CA2: variants seen among roughly 807,000 people sequenced by gnomAD.
The protein encoded by CA2 is carbonate dehydratase II.
Under a neutral mutation model 27.8 loss-of-function variants are expected in CA2, and 23 were observed. That is an observed-to-expected ratio of 0.83 (90% CI 0.59 to 1.17). The LOEUF (loss-of-function observed/expected upper bound fraction) is 1.17. CA2 is among the 50% of genes most tolerant of loss of function. The pLI is 0.00. For missense variants in CA2, 300 were observed against 314.7 expected (o/e 0.95, Z 0.35); for synonymous variants, 99 against 114.9 (o/e 0.86, Z 0.88).
chr8:85,474,575 G>C, intron 4 of CA2, 159 bp downstream of exon 4: 1 of 686,354 alleles, frequency 1.5e-6, no homozygotes, highest in Admixed American at 2.2e-5. Context: ...TCTGCTAGTT[G>C]CAGTGGAGAT....
chr8:85,477,218 T>G lies in CA2; in HGVS notation c.606T>G (p.Leu202=). 1 of 1,614,066 alleles carries G rather than the reference T, an allele frequency of 6.2e-7. No homozygotes were observed. The highest frequency in any genetic ancestry group is 8.5e-7 in the Non-Finnish European group (1 of 1,179,982). Residue 202 remains leucine (L), a synonymous_variant, in exon 6 of 7, where the codon CTT becomes CTG. Coordinates refer to ENST00000285379, the MANE Select transcript of CA2 (RefSeq NM_000067.3). ...TYPGSLTTPP[L]LECVTWIVLK... ...CAGGCTCACTGACCACCCCTCCTCT[T>G]CTGGAATGTGTGACCTGGATTGTGC...
At chr8:85,469,747 CTCTTATCCAAG>C (rs1239361489) in intron 2 of CA2, among the ~76,000 whole-genome samples, 1 of 152,212 alleles carries the variant, frequency 6.6e-6, no homozygotes, top group East Asian at 1.9e-4. Flanking sequence ...ATTGGGCCAA[CTCTTATCCAAG>C]TCTTACATCA....
intron 3 of CA2, chr8:85,474,037 G>A: frequency 8.2e-6 from 5 of 606,450 alleles, no homozygotes. Flanking sequence ...AAAGTAAACG[G>A]ACTCAAACTG....
rs1316641655 is a variant in CA2 at position 85,477,237 on chromosome 8, A to T, written c.625A>T (p.Ile209Phe). ...TCCTCTTCTGGAATGTGTGACCTGGATTGTGCTCAAGGAACCCATCAGCGT... is the reference window on the plus strand; with the variant it reads ...TCCTCTTCTGGAATGTGTGACCTGGTTTGTGCTCAAGGAACCCATCAGCGT... ...TPPLLECVTWIVLKEPISVSS... is the reference protein window; with the variant it reads ...TPPLLECVTWFVLKEPISVSS... The change falls in exon 6 of 7, where the codon ATT (isoleucine) becomes TTT (phenylalanine). Residue 209 changes from isoleucine to phenylalanine, a missense_variant. Physicochemically the swap from Ile to Phe is conservative, Grantham distance 21. Around this residue, in one of 3 missense-constraint regions of CA2, gnomAD observed 173 missense variants for 161.0 expected, o/e 1.07. Coordinates refer to ENST00000285379, the MANE Select transcript of CA2 (RefSeq NM_000067.3). The T allele has an allele frequency of 1.2e-6, 2 of 1,614,054 alleles. No individual in the cohort carries two copies.
At chr8:85,475,886 C>T (rs1202394764) in intron 5 of CA2, 26 bp downstream of exon 5, 1 of 1,589,216 alleles carries the variant, frequency 6.3e-7, no homozygotes, top group Non-Finnish European at 8.6e-7. Flanking sequence ...CTGCCACCTC[C>T]TTAGGGTACC....
rs1476475494 is a variant in CA2 at position 85,476,594 on chromosome 8, A to G, written c.508-526A>G. Among the ~76,000 whole-genome samples, 5 of 152,182 alleles carry G rather than the reference A, an allele frequency of 3.3e-5. No individual in the cohort carries two copies. The East Asian group carries it at 9.6e-4, about 29-fold the overall frequency. ...AAACTAATTATCTTTAGTTTCCTTTAACTATTCTCATATGATATAGTTTTC... is the reference window on the plus strand; with the variant it reads ...AAACTAATTATCTTTAGTTTCCTTTGACTATTCTCATATGATATAGTTTTC... On this transcript the variant is annotated intron_variant, in intron 5 of 6. Transcript: ENST00000285379.
chr8:85,474,029 AG>A, intron 3 of CA2: 1 of 608,632 alleles, frequency 1.6e-6, no homozygotes, highest in East Asian at 2.8e-5. Flanking sequence ...ATTTGCAAAA[AG>A]TAAACGGACT....
At chr8:85,468,744 A>AC (rs1431337731) in intron 2 of CA2, among the ~76,000 whole-genome samples, 1 of 151,990 alleles carries the variant, frequency 6.6e-6, no homozygotes, top group Non-Finnish European at 1.5e-5. Flanking sequence ...TGGTGACAGA[A>AC]CGAGACTCCA....
At chr8:85,469,260 GTCT>G (rs1232765767) in intron 2 of CA2, among the ~76,000 whole-genome samples, 1 of 152,040 alleles carries the variant, frequency 6.6e-6, no homozygotes, top group African/African-American at 2.4e-5. Flanking sequence ...TCATTTACCT[GTCT>G]TCTTTGCCTC....
At chr8:85,465,036 C>T (rs932996177) in intron 1 of CA2, 11 of 530,692 alleles carry the variant, frequency 2.1e-5, no homozygotes, top group Admixed American at 3.1e-5. Flanking sequence ...AAGAGCTTTA[C>T]ATATATCGAT....
chr8:85,473,928 AC>A, intron 3 of CA2, 117 bp downstream of exon 3: 1 of 743,004 alleles, frequency 1.3e-6, no homozygotes, highest in Admixed American at 2.0e-5. Context: ...CACTTCTTTT[AC>A]AAAGGACCTT....
chr8:85,464,103 G>C lies in CA2; in HGVS notation c.22G>C (p.Gly8Arg), dbSNP rs1440181484. 1 of 1,547,442 alleles carries C rather than the reference G, an allele frequency of 6.5e-7. No homozygotes were observed. The highest frequency in any genetic ancestry group is 8.7e-7 in the Non-Finnish European group (1 of 1,148,914). ...GACCATGTCCCATCACTGGGGGTAC[G>C]GCAAACACAACGGTGAGTGCCGGCG... MSHHWGY[G>R]KHNGPEHWHK... The change falls in exon 1 of 7, where the codon GGC (glycine) becomes CGC (arginine). Residue 8 changes from glycine (G) to arginine (R), a missense_variant. Coordinates refer to ENST00000285379, the MANE Select transcript of CA2 (RefSeq NM_000067.3).
At chr8:85,475,916 G>A in intron 5 of CA2, 56 bp downstream of exon 5, 3 of 1,424,970 alleles carry the variant, frequency 2.1e-6, no homozygotes. Flanking sequence ...TACTCCATTG[G>A]TTTTAGAAAT....
Position 85,477,100 on chromosome 8 carries a change from G to A in CA2, c.508-20G>A, listed in dbSNP as rs375816876. ...TCTGTCAATGTGATAGTTTGAAGCT[G>A]CGTATTTGCCTTGTTCTAGGGCAAG... On this transcript the variant is annotated intron_variant, in intron 5 of 6. Coordinates refer to ENST00000285379, the MANE Select transcript of CA2 (RefSeq NM_000067.3). 6.2e-7 allele frequency: 1 copy of A among 1,613,638 alleles called. No homozygotes were observed.
intron 3 of CA2, 161 bp downstream of exon 3, chr8:85,473,972 A>G: frequency 1.5e-6 from 1 of 648,522 alleles, no homozygotes; most frequent in Non-Finnish European, 2.8e-6. Context: ...TAATTGTGAC[A>G]TCATACTTAA....
intron 4 of CA2, 70 bp from the exon 5 acceptor site, chr8:85,475,728 C>CT: frequency 7.2e-7 from 1 of 1,394,354 alleles, no homozygotes; most frequent in Non-Finnish European, 1.0e-6. Flanking sequence ...ATAGAGCTAC[C>CT]CAAATAAAAA....
In CA2 at chr8:85,474,324, C is replaced by T. The variant is rs751512436; in HGVS notation, c.352C>T (p.Leu118Phe). 2 of 1,612,858 alleles carry T rather than the reference C, an allele frequency of 1.2e-6. No individual in the cohort carries two copies. The highest frequency in any genetic ancestry group is 2.2e-5 in the South Asian group (2 of 91,058). Residue 118 changes from leucine to phenylalanine, a missense_variant and splice_region_variant, in exon 4 of 7, where the codon CTT becomes TTT. By Grantham distance (22) the Leu-to-Phe change is conservative. Coordinates refer to ENST00000285379, the MANE Select transcript of CA2 (RefSeq NM_000067.3). ...TVDKKKYAAE[L>F]HLVHWNTKYG... ...TGTGGCTTTGTCTCTTCGGCCTTAGCTTCACTTGGTTCACTGGAACACCAA... is the reference window on the plus strand; with the variant it reads ...TGTGGCTTTGTCTCTTCGGCCTTAGTTTCACTTGGTTCACTGGAACACCAA...
intron 3 of CA2, 192 bp downstream of exon 3, chr8:85,474,003 T>C: frequency 1.6e-6 from 1 of 614,232 alleles, no homozygotes; most frequent in Non-Finnish European, 2.9e-6. Context: ...CTTTCTCTAC[T>C]GTCTCCAACT....
At position 85,477,117 on chromosome 8, in the gene CA2, T is replaced by A; in HGVS notation, c.508-3T>A. ...TTGAAGCTGCGTATTTGCCTTGTTC[T>A]AGGGCAAGAGTGCTGACTTCACTAA... On this transcript the variant is annotated splice_polypyrimidine_tract_variant and splice_region_variant and intron_variant, in intron 5 of 6. Transcript: ENST00000285379. The A allele has an allele frequency of 1.2e-6, 2 of 1,614,086 alleles. No homozygotes were observed. Among genetic ancestry groups the A allele is most frequent in the Non-Finnish European group, 1.7e-6 (2 of 1,179,944 alleles).
Sources: allele counts gnomAD v4.1 joint callset (sites outside exome capture counted in the v4.1 genomes callset), GRCh38; gene constraint gnomAD v4.1.1; regional missense constraint gnomAD v4.1.1; transcripts MANE v1.5; gene names NCBI Gene and HGNC (gene_info 2026-07-23, HGNC 2026-07-21).